The following SH3YL1 variants were observed in gnomAD, a reference collection of about 807,000 sequenced individuals.
The protein encoded by SH3YL1 is SH3 domain-containing YSC84-like protein 1.
In SH3YL1, 41 loss-of-function variants were observed where a neutral mutation model predicts 45.8. That is an observed-to-expected ratio of 0.89 (90% CI 0.70 to 1.16). SH3YL1 has a LOEUF of 1.16. Among genes scored for constraint, SH3YL1 ranks in the 50% most tolerant of loss-of-function variants. The pLI is 0.00. For synonymous variants in SH3YL1, 152 were observed against 151.4 expected (o/e 1.00, Z -0.03); for missense variants, 389 against 409.6 (o/e 0.95, Z 0.43).
intron 1 of SH3YL1, chr2:256,202 C>G (rs570830400): frequency 2.0e-5 from 3 of 152,288 alleles, no homozygotes; most frequent in Non-Finnish European, 4.4e-5. Context: ...GCTTATTTTA[C>G]TCACCATGAA....
chr2:242,331 CTGAG>C (rs904517567), intron 4 of SH3YL1, among the ~76,000 whole-genome samples: 7 of 151,674 alleles, frequency 4.6e-5, no homozygotes, highest in African/African-American at 1.7e-4. Flanking sequence ...TCATGAATTG[CTGAG>C]TGTGTATCAT....
intron 6 of SH3YL1, among the ~76,000 whole-genome samples, chr2:231,513 T>C (rs941085230): frequency 6.6e-6 from 1 of 152,200 alleles, no homozygotes; most frequent in Non-Finnish European, 1.5e-5. Flanking sequence ...TATAAACACA[T>C]ATAAATATAC....
At position 230,003 on chromosome 2, in the gene SH3YL1, C is replaced by T. The variant is rs2103024354; in HGVS notation, c.744G>A (p.Gln248=). 1.2e-6 allele frequency: 2 copies of T among 1,612,072 alleles called. No individual in the cohort carries two copies. Among genetic ancestry groups the T allele is most frequent in the East Asian group, 4.5e-5 (2 of 44,838 alleles). ...LPPKPLSRPQ[Q]SSAPVQLNSG... ...AGTTCAGCTGGACTGGTGCAGATGACTGCTGTGGTCTTGACAATGGCTTTG... is the reference window on the plus strand; with the variant it reads ...AGTTCAGCTGGACTGGTGCAGATGATTGCTGTGGTCTTGACAATGGCTTTG... Residue 248 remains glutamine, a synonymous_variant, in exon 8 of 10, where the codon CAG becomes CAA. Coordinates refer to ENST00000356150, the MANE Select transcript of SH3YL1 (RefSeq NM_015677.4).
At chr2:243,151 C>A (rs1338536601) in intron 4 of SH3YL1, among the ~76,000 whole-genome samples, 1 of 152,076 alleles carries the variant, frequency 6.6e-6, no homozygotes, top group African/African-American at 2.4e-5. Flanking sequence ...TATGGAACAA[C>A]TAAACAACCA....
At chr2:229,272 A>AT (rs913710033) in intron 8 of SH3YL1, among the ~76,000 whole-genome samples, 10 of 152,228 alleles carry the variant, frequency 6.6e-5, no homozygotes, top group African/African-American at 2.2e-4. Context: ...TCCAAAGAAC[A>AT]TATGTCAAAA....
chr2:236,615 A>C (rs1445553370), intron 4 of SH3YL1, among the ~76,000 whole-genome samples: 2 of 152,232 alleles, frequency 1.3e-5, no homozygotes, highest in Non-Finnish European at 2.9e-5. Flanking sequence ...GGGTGTAATA[A>C]TAGTGGCACA....
At chr2:253,161 G>A (rs961133890) in intron 1 of SH3YL1, 46 bp from the exon 2 acceptor site, 3 of 1,069,176 alleles carry the variant, frequency 2.8e-6, no homozygotes, top group African/African-American at 3.2e-5. Flanking sequence ...CTGCTAAATA[G>A]AAGTGAGAAA....
At position 218,252 on chromosome 2, in the gene SH3YL1, G is replaced by T. The variant is rs1242489021; in HGVS notation, c.*559C>A. ...AAATGTAGCCCCATAAGGAAGAAAA[G>T]TTGAGAGATGCCATATGTTTAAAGA... is the stretch of plus-strand genomic sequence containing the variant. On this transcript the variant is annotated 3_prime_UTR_variant, in exon 10 of 10. Coordinates refer to ENST00000356150, the MANE Select transcript of SH3YL1 (RefSeq NM_015677.4). 1 of 152,208 alleles carries T rather than the reference G, an allele frequency of 6.6e-6. No homozygotes were observed. The highest frequency in any genetic ancestry group is 1.5e-5 in the Non-Finnish European group (1 of 68,052). The allele number at this position is 152,208 out of a possible 1,614,324, so 9.4% of individuals were successfully genotyped here. A position where few individuals can be genotyped will look rare whatever the true frequency, so the allele number is the denominator to read the frequency against.
chr2:223,523 G>A (rs1229917775), intron 9 of SH3YL1, among the ~76,000 whole-genome samples: 3 of 152,110 alleles, frequency 2.0e-5, no homozygotes, highest in African/African-American at 7.2e-5. Flanking sequence ...AAAGTAAGAG[G>A]CTGTGTAAGA....
At chr2:244,027 C>T (rs190811002) in intron 4 of SH3YL1, among the ~76,000 whole-genome samples, 1 of 152,214 alleles carries the variant, frequency 6.6e-6, no homozygotes, top group African/African-American at 2.4e-5. Flanking sequence ...CTCTGTCTTT[C>T]GAATAACATG....
intron 3 of SH3YL1, 96 bp downstream of exon 3, chr2:249,635 G>A: frequency 1.1e-6 from 1 of 899,684 alleles, no homozygotes; most frequent in Non-Finnish European, 1.7e-6. Context: ...TTGATATGCA[G>A]GAAACCTGTC....
intron 1 of SH3YL1, chr2:256,741 T>C (rs1304701187): frequency 6.6e-6 from 1 of 152,186 alleles, no homozygotes; most frequent in Non-Finnish European, 1.5e-5. Flanking sequence ...GGTAATTACC[T>C]AGGATAGGAA....
At chr2:231,658 T>C (rs989614918) in intron 6 of SH3YL1, among the ~76,000 whole-genome samples, 3 of 152,238 alleles carry the variant, frequency 2.0e-5, no homozygotes, top group Admixed American at 6.5e-5. Context: ...CTTACATGCT[T>C]GGAGGTCCTG....
intron 1 of SH3YL1, chr2:261,027 T>C (rs901626558): frequency 1.3e-5 from 2 of 152,244 alleles, no homozygotes; most frequent in African/African-American, 4.8e-5. Context: ...CTGGTCACAG[T>C]GAGGACATCT....
chr2:253,569 C>CT (rs1306993318), intron 1 of SH3YL1, among the ~76,000 whole-genome samples: 2 of 152,216 alleles, frequency 1.3e-5, no homozygotes, highest in Non-Finnish European at 2.9e-5. Flanking sequence ...GAGAGGACCT[C>CT]TCAGTTCCGG....
At chr2:261,854 T>C (rs1669602867) in intron 1 of SH3YL1, among the ~76,000 whole-genome samples, 1 of 152,342 alleles carries the variant, frequency 6.6e-6, no homozygotes, top group South Asian at 2.1e-4. Context: ...TTTTCTTCAA[T>C]GGACTCTAAT....
chr2:242,956 T>A, intron 4 of SH3YL1: 1 of 834,634 alleles, frequency 1.2e-6, no homozygotes, highest in Non-Finnish European at 1.7e-6. Context: ...CAAAGAGATA[T>A]AACAATTATA....
Position 257,085 on chromosome 2 carries a change from G to GA in SH3YL1, c.2-3971_2-3970insT, listed in dbSNP as rs1012975633. Among the ~76,000 whole-genome samples the GA allele has an allele frequency of 3.9e-5, 6 of 151,952 alleles. No homozygotes were observed. The East Asian group carries it at 1.2e-3, about 29-fold the overall frequency. On this transcript the variant is annotated intron_variant, in intron 1 of 9. Transcript: ENST00000356150. ...ATTATTATTATACTTTAACGGAGTT[G>GA]TTTTTTTGCTTGTTAATTTGTTTAA... is the stretch of plus-strand genomic sequence containing the variant.
At chr2:243,830 T>C (rs1352157048) in intron 4 of SH3YL1, among the ~76,000 whole-genome samples, 1 of 152,280 alleles carries the variant, frequency 6.6e-6, no homozygotes, top group African/African-American at 2.4e-5. Context: ...TCTCTGTATA[T>C]TGAAAATAAT....
Sources: gnomAD v4.1 joint callset for allele counts (sites outside exome capture counted in the v4.1 genomes callset) on GRCh38, gnomAD v4.1.1 for gene constraint, MANE v1.5 for transcripts, NCBI Gene and HGNC (gene_info 2026-07-23, HGNC 2026-07-21) for gene names.